Variants in NKAIN2 observed in about 807,000 individuals in gnomAD.
NKAIN2 encodes sodium/potassium-transporting ATPase subunit beta-1-interacting protein 2.
Under a neutral mutation model 32.6 loss-of-function variants are expected in NKAIN2, and 14 were observed. The observed-to-expected ratio is 0.43, with a 90% CI of 0.28 to 0.67. NKAIN2 has a LOEUF of 0.67. NKAIN2 is among the 30% of genes least tolerant of loss of function. The probability of loss-of-function intolerance (pLI) is 0.17; values close to 1 mark genes in which losing one functional copy is unlikely to be tolerated. For missense variants in NKAIN2, 198 were observed against 258.3 expected, an observed-to-expected ratio of 0.77 and a Z score of 1.60; for synonymous variants, 80 against 87.2, an observed-to-expected ratio of 0.92 and a Z score of 0.46.
intron 3 of NKAIN2, among the ~76,000 whole-genome samples, chr6:124,466,212 T>C (rs1776748154): frequency 6.6e-6 from 1 of 152,080 alleles, no homozygotes. Flanking sequence ...CCAAGTTTTA[T>C]AAAAGAGGAT....
At chr6:124,779,244 AG>A in intron 4 of NKAIN2, among the ~76,000 whole-genome samples, 1 of 31,988 alleles carries the variant, frequency 3.1e-5, no homozygotes, top group Non-Finnish European at 6.0e-5. Flanking sequence ...ACTCCAACAA[AG>A]AAAGAGAGAG....
chr6:123,878,776 T>C (rs1773299379), intron 1 of NKAIN2, among the ~76,000 whole-genome samples: 1 of 152,178 alleles, frequency 6.6e-6, no homozygotes. Context: ...TTGGCATTGC[T>C]GGACCTGTAA....
chr6:123,824,414 A>AT (rs1267240325), intron 1 of NKAIN2, among the ~76,000 whole-genome samples: 5 of 152,168 alleles, frequency 3.3e-5, no homozygotes, highest in Non-Finnish European at 7.3e-5. Context: ...GGCAATAAAA[A>AT]TTACATTACC....
intron 4 of NKAIN2, among the ~76,000 whole-genome samples, chr6:124,678,548 T>C (rs955237219): frequency 1.3e-5 from 2 of 152,182 alleles, no homozygotes; most frequent in African/African-American, 2.4e-5. Context: ...ATGCTTCAGG[T>C]CTAAAATTCA....
chr6:124,100,001 G>A (rs542441945), intron 1 of NKAIN2, among the ~76,000 whole-genome samples: 52 of 152,290 alleles, frequency 3.4e-4, no homozygotes, highest in African/African-American at 1.2e-3. Flanking sequence ...TTCTAACAAA[G>A]ACATCTTCAT....
intron 4 of NKAIN2, among the ~76,000 whole-genome samples, chr6:124,715,249 G>T (rs1003737572): frequency 1.3e-5 from 2 of 152,156 alleles, no homozygotes; most frequent in African/African-American, 4.8e-5. Flanking sequence ...TCCACATCAA[G>T]GTGTGACAAA....
intron 3 of NKAIN2, among the ~76,000 whole-genome samples, chr6:124,593,970 G>A (rs189160779): frequency 2.0e-5 from 3 of 152,264 alleles, no homozygotes; most frequent in Admixed American, 1.3e-4. Flanking sequence ...GACTTAATAC[G>A]TTTAAAGTCC....
At chr6:124,064,318 A>G (rs1783058484) in intron 1 of NKAIN2, among the ~76,000 whole-genome samples, 2 of 152,240 alleles carry the variant, frequency 1.3e-5, no homozygotes, top group African/African-American at 4.8e-5. Flanking sequence ...TATTACAAAA[A>G]TATTTGTGCT....
At chr6:124,368,997 A>G (rs1317377843) in intron 3 of NKAIN2, among the ~76,000 whole-genome samples, 2 of 152,196 alleles carry the variant, frequency 1.3e-5, no homozygotes, top group African/African-American at 4.8e-5. Context: ...CATTCCTACT[A>G]AAACAATGCT....
At chr6:124,559,839 T>A (rs1056024328) in intron 3 of NKAIN2, among the ~76,000 whole-genome samples, 1 of 121,878 alleles carries the variant, frequency 8.2e-6, no homozygotes, top group African/African-American at 3.8e-5. Context: ...AAACCATTTT[T>A]TTTTTTTTTT....
intron 1 of NKAIN2, among the ~76,000 whole-genome samples, chr6:124,064,709 A>G (rs1783081045): frequency 1.3e-5 from 2 of 152,198 alleles, no homozygotes; most frequent in African/African-American, 4.8e-5. Context: ...ATATATAATT[A>G]TAGTGTCGTT....
chr6:124,169,316 A>T (rs1006376540), intron 1 of NKAIN2, among the ~76,000 whole-genome samples: 6 of 152,154 alleles, frequency 3.9e-5, no homozygotes, highest in African/African-American at 1.4e-4. Flanking sequence ...TAAAATTTGG[A>T]TATTGAAAGA....
chr6:124,335,628 T>C (rs1216320376), intron 2 of NKAIN2, among the ~76,000 whole-genome samples: 1 of 152,158 alleles, frequency 6.6e-6, no homozygotes, highest in Non-Finnish European at 1.5e-5. Flanking sequence ...ACCACACATC[T>C]ACCATACCTT....
rs1331833090 is a variant in NKAIN2 at position 124,394,627 on chromosome 6, G to A, written c.273+39280G>A. On this transcript the variant is annotated intron_variant, in intron 3 of 6. Transcript: ENST00000368417. ...GCAGGTTCAAGACTAAGAAGAGCCA[G>A]TATTTCAGTCCAAACCCAAATGGCA... Among the ~76,000 whole-genome samples, 10 of 148,182 alleles carry A rather than the reference G, an allele frequency of 6.7e-5. 1 individual carries two copies. The Admixed American group carries it at 6.8e-4, about 10-fold the overall frequency.
chr6:124,120,191 A>T (rs997366145), intron 1 of NKAIN2, among the ~76,000 whole-genome samples: 5 of 152,166 alleles, frequency 3.3e-5, no homozygotes, highest in East Asian at 1.9e-4. Flanking sequence ...ATACATTTTT[A>T]AAAATTTTAT....
At chr6:124,194,017 C>T (rs191832875) in intron 1 of NKAIN2, among the ~76,000 whole-genome samples, 14 of 152,190 alleles carry the variant, frequency 9.2e-5, no homozygotes, top group Admixed American at 2.0e-4. Flanking sequence ...GCAGGCAAGT[C>T]GTCCCATTGT....
intron 1 of NKAIN2, among the ~76,000 whole-genome samples, chr6:123,821,920 A>G (rs1773939800): frequency 6.6e-6 from 1 of 151,764 alleles, no homozygotes. Flanking sequence ...TATTATGCAC[A>G]CACAGTTAAT....
rs1211543731 is a variant in NKAIN2 at position 124,710,684 on chromosome 6, T to A, written c.474+52298T>A. On this transcript the variant is annotated intron_variant, in intron 4 of 6. Coordinates refer to ENST00000368417, the MANE Select transcript of NKAIN2 (RefSeq NM_001040214.3). ...CTTTTTTTGTTTTCCATTTGCTTGG[T>A]AGATCTTCCTCCATCCTTTTATTTT... Among the ~76,000 whole-genome samples, 5 of 149,722 alleles carry A rather than the reference T, an allele frequency of 3.3e-5. No individual in the cohort carries two copies. The South Asian group carries it at 6.5e-4, about 20-fold the overall frequency.
intron 1 of NKAIN2, among the ~76,000 whole-genome samples, chr6:124,135,493 A>G (rs1448052675): frequency 6.8e-6 from 1 of 147,370 alleles, no homozygotes; most frequent in Non-Finnish European, 1.5e-5. Flanking sequence ...ATCACACAAA[A>G]CAGACTTTAA....
Sources: gnomAD v4.1 joint callset for allele counts (sites outside exome capture counted in the v4.1 genomes callset) on GRCh38, gnomAD v4.1.1 for gene constraint, MANE v1.5 for transcripts, NCBI Gene and HGNC (gene_info 2026-07-23, HGNC 2026-07-21) for gene names.